The following HHAT variants were observed in gnomAD, a reference collection of about 807,000 sequenced individuals.
HHAT encodes protein-cysteine N-palmitoyltransferase HHAT.
HHAT carries 47 observed loss-of-function variants against 70.8 expected under a neutral mutation model. The ratio of observed to expected loss-of-function variants is 0.66; its 90% confidence interval spans 0.53 to 0.85. The LOEUF (loss-of-function observed/expected upper bound fraction) is 0.85, where lower values mean the gene tolerates loss of function less well. Among genes scored for constraint, HHAT ranks in the 40% least tolerant of loss-of-function variants. The pLI is 0.00. For missense variants in HHAT, 609 were observed against 604.8 expected (o/e 1.01, Z -0.07); for synonymous variants, 228 against 247.6 (o/e 0.92, Z 0.74).
chr1:210,514,823 C>G (rs190525219), intron 9 of HHAT, among the ~76,000 whole-genome samples: 1 of 152,354 alleles, frequency 6.6e-6, no homozygotes, highest in African/African-American at 2.4e-5. Flanking sequence ...CTTGCAAAAA[C>G]AGACATTTGA....
intron 3 of HHAT, among the ~76,000 whole-genome samples, chr1:210,367,994 G>A (rs193031335): frequency 1.0e-4 from 15 of 149,310 alleles, no homozygotes; most frequent in Admixed American, 6.7e-4. Flanking sequence ...GTGATCTGTC[G>A]TTGTATTTGC....
chr1:210,432,939 C>G (rs2093286419), intron 7 of HHAT, among the ~76,000 whole-genome samples: 1 of 151,750 alleles, frequency 6.6e-6, no homozygotes, highest in Non-Finnish European at 1.5e-5. Flanking sequence ...TACAGAGATA[C>G]TGTAATTTTT....
In HHAT at chr1:210,451,742, C is replaced by G. The variant is rs949051632; in HGVS notation, c.857-12763C>G. On this transcript the variant is annotated intron_variant, in intron 7 of 11. Transcript: ENST00000261458. Reference sequence around the variant, plus strand: ...TGTGGGCATGCATTACCATGCCTGACTAATTTTTAAATTTTTTATAGAGAC... The same window carrying G: ...TGTGGGCATGCATTACCATGCCTGAGTAATTTTTAAATTTTTTATAGAGAC... 3.9e-5 allele frequency among the ~76,000 whole-genome samples: 6 copies of G among 152,088 alleles called. No homozygotes were observed. The East Asian group carries it at 9.6e-4, about 24-fold the overall frequency.
intron 7 of HHAT, among the ~76,000 whole-genome samples, chr1:210,461,470 TTG>T (rs1407770481): frequency 6.6e-6 from 1 of 152,146 alleles, no homozygotes; most frequent in Admixed American, 6.5e-5. Flanking sequence ...GACAAATTTT[TTG>T]TGTTTACTTA....
At chr1:210,659,807 A>G (rs1003953904) in intron 11 of HHAT, among the ~76,000 whole-genome samples, 1 of 152,344 alleles carries the variant, frequency 6.6e-6, no homozygotes, top group African/African-American at 2.4e-5. Flanking sequence ...AACAGAACCA[A>G]TGACAAAAAC....
chr1:210,462,617 A>C (rs539451037), intron 7 of HHAT: 1 of 152,294 alleles, frequency 6.6e-6, no homozygotes, highest in South Asian at 2.1e-4. Flanking sequence ...GTATGACTGT[A>C]GTCTGATTTC....
At chr1:210,601,842 C>G (rs1664325332) in intron 10 of HHAT, among the ~76,000 whole-genome samples, 1 of 152,046 alleles carries the variant, frequency 6.6e-6, no homozygotes. Context: ...TTGACCTAGT[C>G]TTCCCAGGCA....
chr1:210,361,153 T>A (rs1571876135), intron 2 of HHAT, among the ~76,000 whole-genome samples: 1 of 152,186 alleles, frequency 6.6e-6, no homozygotes, highest in East Asian at 1.9e-4. Flanking sequence ...TCTGTGAAAG[T>A]GAAGCCAAAA....
At chr1:210,583,797 T>G (rs116461718) in intron 9 of HHAT, among the ~76,000 whole-genome samples, 1,622 of 152,192 alleles carry the variant, frequency 0.011, 36 homozygotes, top group African/African-American at 0.034. Flanking sequence ...ATGCCCAAAA[T>G]AGCTGGGCAT....
chr1:210,525,610 A>G (rs545304703), intron 9 of HHAT, among the ~76,000 whole-genome samples: 1 of 152,338 alleles, frequency 6.6e-6, no homozygotes, highest in East Asian at 1.9e-4. Context: ...ATTTGAATTT[A>G]TTAATGAGAC....
At chr1:210,468,913 T>G (rs947656173) in intron 8 of HHAT, among the ~76,000 whole-genome samples, 1 of 152,116 alleles carries the variant, frequency 6.6e-6, no homozygotes, top group African/African-American at 2.4e-5. Context: ...CTACTAGTTA[T>G]GTGACTTTGG....
At chr1:210,670,693 C>T (rs769356434) in intron 11 of HHAT, among the ~76,000 whole-genome samples, 5 of 152,318 alleles carry the variant, frequency 3.3e-5, no homozygotes, top group Non-Finnish European at 5.9e-5. Context: ...GTACATGCCA[C>T]GTCTACTGTC....
chr1:210,434,233 G>C (rs1293157940), intron 7 of HHAT, among the ~76,000 whole-genome samples: 1 of 151,858 alleles, frequency 6.6e-6, no homozygotes, highest in Non-Finnish European at 1.5e-5. Context: ...CTGTTCATTC[G>C]GGGGAATATA....
In HHAT at chr1:210,588,294, T is replaced by G. The variant is rs1479259346; in HGVS notation, c.1245+195T>G. 9.5e-6 allele frequency: 5 copies of G among 527,920 alleles called. No individual in the cohort carries two copies. The East Asian group carries it at 1.5e-4, about 16-fold the overall frequency. 32.7% of individuals were successfully genotyped at this position (527,920 alleles called of 1,614,324 possible). On this transcript the variant is annotated intron_variant, in intron 10 of 11. Coordinates refer to ENST00000261458, the MANE Select transcript of HHAT (RefSeq NM_018194.6). ...GCATATATGTGTGTTTGTGCATGGGTGTGTGTGTGTATATATAACTATAAA... is the reference window on the plus strand; with the variant it reads ...GCATATATGTGTGTTTGTGCATGGGGGTGTGTGTGTATATATAACTATAAA...
intron 9 of HHAT, among the ~76,000 whole-genome samples, chr1:210,524,467 G>C (rs12121872): frequency 6.6e-6 from 1 of 151,764 alleles, no homozygotes; most frequent in Non-Finnish European, 1.5e-5. Context: ...GGAAGTGCAA[G>C]CCCCCGCCCC....
intron 6 of HHAT, among the ~76,000 whole-genome samples, chr1:210,413,512 G>C (rs923540460): frequency 6.6e-6 from 1 of 152,124 alleles, no homozygotes; most frequent in Admixed American, 6.5e-5. Context: ...TTTCTCCTCT[G>C]CTGTTTTACT....
intron 2 of HHAT, among the ~76,000 whole-genome samples, chr1:210,355,286 GC>G (rs2087494655): frequency 6.6e-6 from 1 of 152,052 alleles, no homozygotes; most frequent in Non-Finnish European, 1.5e-5. Context: ...TTTTTGCTTT[GC>G]TAGGACATCT....
chr1:210,410,488 G>C (rs2092501033), intron 6 of HHAT, among the ~76,000 whole-genome samples: 2 of 148,082 alleles, frequency 1.4e-5, no homozygotes, highest in Non-Finnish European at 3.0e-5. Flanking sequence ...ATGAAAGTTG[G>C]ATTGTTTTTC....
At chr1:210,598,034 T>C (rs1334822003) in intron 10 of HHAT, among the ~76,000 whole-genome samples, 2 of 151,850 alleles carry the variant, frequency 1.3e-5, no homozygotes, top group African/African-American at 4.8e-5. Context: ...GGCTCTTTTG[T>C]CAACAGGTGA....
Sources: gnomAD v4.1 joint callset for allele counts (sites outside exome capture counted in the v4.1 genomes callset) on GRCh38, gnomAD v4.1.1 for gene constraint, MANE v1.5 for transcripts, NCBI Gene and HGNC (gene_info 2026-07-23, HGNC 2026-07-21) for gene names.